TSPAN15: variants seen among roughly 807,000 people sequenced by gnomAD.
The protein encoded by TSPAN15 is tetraspanin-15.
A neutral mutation model predicts 34.5 loss-of-function variants in TSPAN15; 20 were observed. That is an observed-to-expected ratio of 0.58 (90% CI 0.41 to 0.84). TSPAN15 has a LOEUF of 0.84. Ranked by LOEUF, TSPAN15 falls within the 40% of genes least tolerant of loss-of-function variation. The pLI is 0.00. For synonymous variants in TSPAN15, 155 were observed against 153.9 expected, an observed-to-expected ratio of 1.01 and a Z score of -0.05; for missense variants, 313 against 386.1, an observed-to-expected ratio of 0.81 and a Z score of 1.59.
the TSPAN15 span, among the ~76,000 whole-genome samples, chr10:69,515,157 C>A: frequency 6.6e-6 from 1 of 152,226 alleles, no homozygotes; most frequent in East Asian, 1.9e-4. Flanking sequence ...AGAGACCAAC[C>A]TTGCCTAGTT....
chr10:69,492,557 C>A (rs1841991439), intron 3 of TSPAN15, among the ~76,000 whole-genome samples: 1 of 152,212 alleles, frequency 6.6e-6, no homozygotes, highest in African/African-American at 2.4e-5. Flanking sequence ...CCCCTTCCCC[C>A]AACAACAGGG....
At chr10:69,523,620 G>A in the TSPAN15 span, 623 of 222,666 alleles carry the variant, frequency 2.8e-3, 32 homozygotes, top group African/African-American at 0.013. Context: ...AGGCACCCAC[G>A]CCGGTGGAAA....
chr10:69,491,459 C>T (rs1431931873), intron 3 of TSPAN15, among the ~76,000 whole-genome samples: 1 of 152,182 alleles, frequency 6.6e-6, no homozygotes, highest in Admixed American at 6.5e-5. Context: ...AGCTCCTAGG[C>T]TCAAGCGATC....
At chr10:69,453,019 G>A (rs1435626951) in intron 1 of TSPAN15, among the ~76,000 whole-genome samples, 6 of 152,234 alleles carry the variant, frequency 3.9e-5, no homozygotes, top group Non-Finnish European at 4.4e-5. Context: ...TCTTAGGCAA[G>A]TCACTTTCCT....
the TSPAN15 span, among the ~76,000 whole-genome samples, chr10:69,524,839 G>A: frequency 1.4e-5 from 2 of 145,194 alleles, 1 homozygote; most frequent in Non-Finnish European, 3.0e-5. Flanking sequence ...GGGGTGCAAT[G>A]GTGCAATCTC....
At chr10:69,533,561 A>T in the TSPAN15 span, among the ~76,000 whole-genome samples, 1 of 152,354 alleles carries the variant, frequency 6.6e-6, no homozygotes, top group African/African-American at 2.4e-5. Flanking sequence ...AATAGGGTGC[A>T]GTGTATACTG....
chr10:69,539,485 A>G, the TSPAN15 span, among the ~76,000 whole-genome samples: 418 of 61,146 alleles, frequency 6.8e-3, 14 homozygotes, highest in African/African-American at 0.02. Context: ...GGAGAAGGAG[A>G]AGAAGAAGAA....
chr10:69,542,170 G>A, the TSPAN15 span, among the ~76,000 whole-genome samples: 1 of 152,156 alleles, frequency 6.6e-6, no homozygotes, highest in African/African-American at 2.4e-5. Context: ...CTCTAGGGCA[G>A]GGGGAAAATG....
the TSPAN15 span, among the ~76,000 whole-genome samples, chr10:69,525,151 C>G: frequency 1.4e-5 from 2 of 147,426 alleles, no homozygotes; most frequent in Non-Finnish European, 3.0e-5. Flanking sequence ...GTCCTGGCCT[C>G]AAGTGATTCT....
intron 1 of TSPAN15, among the ~76,000 whole-genome samples, chr10:69,461,815 A>G (rs1452354751): frequency 6.6e-6 from 1 of 152,066 alleles, no homozygotes; most frequent in Admixed American, 6.5e-5. Flanking sequence ...GTCACTTCCC[A>G]GAGTCAAAAG....
At chr10:69,514,260 T>C in the TSPAN15 span, among the ~76,000 whole-genome samples, 1 of 152,262 alleles carries the variant, frequency 6.6e-6, no homozygotes. Context: ...AATATATTGT[T>C]GGATTTGGTT....
the TSPAN15 span, among the ~76,000 whole-genome samples, chr10:69,539,557 G>A: frequency 0.34 from 29,724 of 87,602 alleles, 6,447 homozygotes; most frequent in East Asian, 0.78. Flanking sequence ...GAAGGAGAAG[G>A]AGAAGGAGAA....
At chr10:69,489,943 T>C (rs549664436) in intron 3 of TSPAN15, among the ~76,000 whole-genome samples, 2 of 152,336 alleles carry the variant, frequency 1.3e-5, no homozygotes, top group East Asian at 3.9e-4. Flanking sequence ...CTGGGGCTTC[T>C]TGTGAGGGTG....
intron 1 of TSPAN15, among the ~76,000 whole-genome samples, chr10:69,458,614 G>T (rs1313503868): frequency 6.6e-6 from 1 of 152,214 alleles, no homozygotes; most frequent in Non-Finnish European, 1.5e-5. Flanking sequence ...CGGGCTGTCA[G>T]AGATGATCTC....
chr10:69,485,164 C>G lies in TSPAN15; in HGVS notation c.306C>G (p.Cys102Trp). ...LQAFMYILGI[C>W]LIMELIGGVV... is the part of the protein sequence containing the mutation. Reference sequence around the variant, plus strand: ...AGTTCATGTACATCCTTGGGATCTGCCTCATCATGGAGCTCATTGGTGGCG... The same window carrying G: ...AGTTCATGTACATCCTTGGGATCTGGCTCATCATGGAGCTCATTGGTGGCG... Residue 102 changes from cysteine (C) to tryptophan (W), a missense_variant, in exon 3 of 8, where the codon TGC (cysteine) becomes TGG (tryptophan). By Grantham distance (215) the Cys-to-Trp change is radical. Transcript: ENST00000373290. The G allele has an allele frequency of 6.2e-7, 1 of 1,614,144 alleles. No individual in the cohort carries two copies. Among genetic ancestry groups the G allele is most frequent in the Non-Finnish European group, 8.5e-7 (1 of 1,180,006 alleles).
At chr10:69,526,925 A>C in the TSPAN15 span, among the ~76,000 whole-genome samples, 1 of 147,998 alleles carries the variant, frequency 6.8e-6, no homozygotes, top group African/African-American at 2.5e-5. Context: ...AGTTACTCAA[A>C]TGATTAAATA....
At chr10:69,499,417 G>A (rs947847569) in intron 5 of TSPAN15, among the ~76,000 whole-genome samples, 1 of 152,216 alleles carries the variant, frequency 6.6e-6, no homozygotes, top group African/African-American at 2.4e-5. Context: ...TCTGGGAAGT[G>A]GGGTGCTGAG....
At chr10:69,471,523 A>T (rs1841505022) in intron 1 of TSPAN15, among the ~76,000 whole-genome samples, 1 of 152,080 alleles carries the variant, frequency 6.6e-6, no homozygotes, top group Non-Finnish European at 1.5e-5. Flanking sequence ...ATGCTATTTA[A>T]CATATAAATC....
At chr10:69,484,997 AG>A (rs1841820279) in intron 2 of TSPAN15, 143 bp from the exon 3 acceptor site, 1 of 740,690 alleles carries the variant, frequency 1.4e-6, no homozygotes, top group African/African-American at 1.7e-5. Context: ...TCACAGGAGG[AG>A]GGGGCAGAGG....
Sources: allele counts gnomAD v4.1 joint callset (sites outside exome capture counted in the v4.1 genomes callset), GRCh38; gene constraint gnomAD v4.1.1; transcripts MANE v1.5; gene names NCBI Gene and HGNC (gene_info 2026-07-23, HGNC 2026-07-21).